Variants in WDR41 observed in about 807,000 individuals in gnomAD.
WDR41 encodes the protein WD repeat-containing protein 41.
WDR41 carries 63 observed loss-of-function variants against 69.3 expected under a neutral mutation model. The ratio of observed to expected loss-of-function variants is 0.91; its 90% CI spans 0.74 to 1.12. WDR41 has a LOEUF of 1.12. WDR41 is among the 50% of genes most tolerant of loss of function. The probability of loss-of-function intolerance (pLI) is 0.00; values close to 1 mark genes in which losing one functional copy is unlikely to be tolerated. For synonymous variants in WDR41, 185 were observed against 192.1 expected (o/e 0.96, Z 0.31); for missense variants, 543 against 534.5 (o/e 1.02, Z -0.16).
chr5:77,487,632 G>A (rs1397666011), intron 2 of WDR41, among the ~76,000 whole-genome samples: 1 of 152,210 alleles, frequency 6.6e-6, no homozygotes, highest in Non-Finnish European at 1.5e-5. Context: ...AATTTTCCAA[G>A]TGGTAAGAAT....
chr5:77,547,421 A>G (rs978699393), intron 1 of WDR41, among the ~76,000 whole-genome samples: 3 of 152,086 alleles, frequency 2.0e-5, no homozygotes, highest in African/African-American at 7.3e-5. Context: ...AATTCAGCAA[A>G]GTTTCTGGAT....
At chr5:77,435,328 TTC>T (rs1259401320) in intron 12 of WDR41, among the ~76,000 whole-genome samples, 1 of 152,222 alleles carries the variant, frequency 6.6e-6, no homozygotes, top group Non-Finnish European at 1.5e-5. Flanking sequence ...GAAATGTTTC[TTC>T]TGAGTCACTG....
intron 1 of WDR41, among the ~76,000 whole-genome samples, chr5:77,583,540 G>A (rs1192593276): frequency 1.2e-4 from 18 of 151,144 alleles, no homozygotes; most frequent in East Asian, 5.8e-4. Context: ...AGCTACCCAC[G>A]TATACGTTTC....
intron 1 of WDR41, 52 bp downstream of exon 1, chr5:77,492,118 C>A: frequency 6.3e-7 from 1 of 1,596,028 alleles, no homozygotes; most frequent in Admixed American, 1.7e-5. Flanking sequence ...CGGAACGAAG[C>A]CGCCCCTCCA....
chr5:77,493,236 C>T (rs1020955332), upstream of WDR41, among the ~76,000 whole-genome samples: 2 of 152,136 alleles, frequency 1.3e-5, no homozygotes, highest in African/African-American at 2.4e-5. Context: ...CTAGGAACTA[C>T]TTATACATAT....
intron 5 of WDR41, among the ~76,000 whole-genome samples, chr5:77,457,326 T>C (rs966376156): frequency 6.6e-6 from 1 of 152,224 alleles, no homozygotes; most frequent in Non-Finnish European, 1.5e-5. Context: ...GGATAATATA[T>C]GTTTTTGTTA....
rs781197294 is a variant in WDR41, at chr5:77,433,135, C to T, written c.1380G>A (p.Ter460=). The part of the protein sequence containing the change: ...EENGDLYLAV[*] The stretch of plus-strand genomic sequence containing the variant: ...GCATGTGTATTTTTAATTCCTTAAA[C>T]TAGACAGCAAGGTATAAGTCACCAT... Residue 460 remains the stop codon, a stop_retained_variant, in exon 13 of 13, where the codon TAG becomes TAA. Transcript: ENST00000296679. The T allele has an allele frequency of 5.8e-5, 94 of 1,609,894 alleles. No homozygotes were observed. Among genetic ancestry groups the T allele is most frequent in the Non-Finnish European group, 7.5e-5 (88 of 1,178,512 alleles).
intron 1 of WDR41, among the ~76,000 whole-genome samples, chr5:77,518,664 T>C (rs942084724): frequency 6.6e-6 from 1 of 152,154 alleles, no homozygotes; most frequent in African/African-American, 2.4e-5. Context: ...TGTTTATTTA[T>C]TCATTTTGAG....
chr5:77,598,214 T>A (rs776161534), intron 1 of WDR41, among the ~76,000 whole-genome samples: 3 of 152,198 alleles, frequency 2.0e-5, no homozygotes, highest in Non-Finnish European at 4.4e-5. Context: ...CTACCTTTGA[T>A]AACAATATCA....
chr5:77,592,161 G>A (rs907146337), intron 1 of WDR41, among the ~76,000 whole-genome samples: 1 of 152,014 alleles, frequency 6.6e-6, no homozygotes, highest in Non-Finnish European at 1.5e-5. Context: ...GGTTTCTTGT[G>A]TATTACATTT....
chr5:77,468,850 C>T (rs770721117), intron 2 of WDR41, among the ~76,000 whole-genome samples: 4 of 152,014 alleles, frequency 2.6e-5, no homozygotes, highest in East Asian at 1.9e-4. Flanking sequence ...TTTTTTTGTA[C>T]AGTAAGACGC....
intron 2 of WDR41, among the ~76,000 whole-genome samples, chr5:77,488,160 C>A (rs1284639927): frequency 6.6e-6 from 1 of 152,230 alleles, no homozygotes; most frequent in East Asian, 1.9e-4. Context: ...AAGTGGCCTA[C>A]AAACCCATAC....
chr5:77,554,338 CG>C (rs1226820158), intron 1 of WDR41, among the ~76,000 whole-genome samples: 2 of 152,022 alleles, frequency 1.3e-5, no homozygotes, highest in African/African-American at 2.4e-5. Flanking sequence ...GAAATTCTTA[CG>C]TTAAAATCTA....
intron 5 of WDR41, among the ~76,000 whole-genome samples, chr5:77,454,523 C>A (rs1031884803): frequency 6.6e-6 from 1 of 152,180 alleles, no homozygotes; most frequent in Non-Finnish European, 1.5e-5. Context: ...CAAATTGAAA[C>A]TATGACCTTA....
chr5:77,468,491 G>C (rs1269761857), intron 2 of WDR41, among the ~76,000 whole-genome samples: 2 of 152,120 alleles, frequency 1.3e-5, no homozygotes, highest in East Asian at 3.8e-4. Context: ...CTACAGCAAA[G>C]CTTAATAAAG....
At chr5:77,492,472 GGCTGCGGCGATTGCGGGGCGCGC>G, upstream of WDR41, 1 of 433,242 alleles carries the variant, frequency 2.3e-6, no homozygotes. Flanking sequence ...CGGCGGGGGC[GGCTGCGGCGATTGCGGGGCGCGC>G]GCTGCTCCGA....
At chr5:77,473,780 A>T (rs997718087) in intron 2 of WDR41, among the ~76,000 whole-genome samples, 10 of 152,212 alleles carry the variant, frequency 6.6e-5, no homozygotes, top group Admixed American at 6.5e-4. Flanking sequence ...GCGATCATTA[A>T]AAAGTCAGGA....
At chr5:77,447,209 T>C (rs1160602538) in intron 8 of WDR41, among the ~76,000 whole-genome samples, 3 of 152,104 alleles carry the variant, frequency 2.0e-5, no homozygotes, top group Non-Finnish European at 4.4e-5. Context: ...AGAATCACAA[T>C]GAGATACCAT....
intron 1 of WDR41, chr5:77,582,607 G>C: frequency 6.2e-7 from 1 of 1,600,796 alleles, no homozygotes; most frequent in South Asian, 1.1e-5. Context: ...GGCAAGAAAA[G>C]CTGGCAACTT....
Sources: gnomAD v4.1 joint callset for allele counts (sites outside exome capture counted in the v4.1 genomes callset) on GRCh38, gnomAD v4.1.1 for gene constraint, MANE v1.5 for transcripts, NCBI Gene and HGNC (gene_info 2026-07-23, HGNC 2026-07-21) for gene names.